Variants in CASK observed in about 807,000 individuals in gnomAD.
CASK encodes the protein peripheral plasma membrane protein CASK.
A neutral mutation model predicts 82.9 loss-of-function variants in CASK; 4 were observed. That is an observed-to-expected ratio of 0.05 (90% CI 0.02 to 0.11). CASK has a LOEUF of 0.11. Among genes scored for constraint, CASK ranks in the 10% least tolerant of loss-of-function variants. CASK has a pLI of 1.00. For synonymous variants in CASK, 259 were observed against 253.5 expected (o/e 1.02, Z -0.20); for missense variants, 358 against 720.9 (o/e 0.50, Z 5.76).
intron 9 of CASK, among the ~76,000 whole-genome samples, chrX:41,634,242 C>A (rs1461964811): frequency 8.9e-6 from 1 of 112,276 alleles, no homozygotes; most frequent in African/African-American, 3.2e-5. Flanking sequence ...AAGTTGCAAT[C>A]TCTGTTCTAG....
intron 1 of CASK, among the ~76,000 whole-genome samples, chrX:41,900,634 C>T: frequency 1.2e-5 from 1 of 82,395 alleles, no homozygotes; most frequent in Non-Finnish European, 2.3e-5. Flanking sequence ...CCTTGTTGAA[C>T]TTCTCATATT....
chrX:41,839,468 T>A (rs1032223770), intron 2 of CASK, among the ~76,000 whole-genome samples: 1 of 111,380 alleles, frequency 9.0e-6, no homozygotes, highest in African/African-American at 3.3e-5. Context: ...TATAGAGAAA[T>A]AACTGATTTT....
intron 3 of CASK, among the ~76,000 whole-genome samples, chrX:41,758,952 T>G (rs1312409155): frequency 8.9e-6 from 1 of 112,452 alleles, no homozygotes; most frequent in East Asian, 2.8e-4. Context: ...TGTTTGTGTA[T>G]GAAGCTTAAT....
intron 2 of CASK, among the ~76,000 whole-genome samples, chrX:41,808,082 T>A (rs2070167105): frequency 8.9e-6 from 1 of 111,744 alleles, no homozygotes; most frequent in Non-Finnish European, 1.9e-5. Flanking sequence ...CTCGAACTCC[T>A]GACCTCAGGT....
intron 14 of CASK, among the ~76,000 whole-genome samples, chrX:41,580,792 T>C (rs187062759): frequency 1.8e-5 from 2 of 112,397 alleles, no homozygotes; most frequent in Admixed American, 1.9e-4. Flanking sequence ...TCTTCAAATA[T>C]GTTAAGACGT....
At position 41,531,085 on chromosome X, in the gene CASK, C is replaced by T. The variant is rs141158465; in HGVS notation, c.2442G>A (p.Ala814=). Residue 814 remains alanine, a synonymous_variant, in exon 25 of 27, where the codon GCG becomes GCA. Transcript: ENST00000378163. ...TGGTCTCCAGTTTTGTCCCATACAT[C>T]GCATCCTCGTGGCTGCCGTACTCCA... ...EYLEYGSHED[A]MYGTKLETIR... 1,282 of 1,209,563 alleles carry T rather than the reference C, an allele frequency of 1.1e-3. 13 individuals carry two copies. The South Asian group carries it at 0.018, about 17-fold the overall frequency.
At chrX:41,744,686 A>T (rs1016934976) in intron 4 of CASK, among the ~76,000 whole-genome samples, 1 of 111,586 alleles carries the variant, frequency 9.0e-6, no homozygotes, top group Non-Finnish European at 1.9e-5. Flanking sequence ...TTTACAAACA[A>T]CTTCTCCACT....
At chrX:41,540,566 C>T (rs942260824) in intron 22 of CASK, among the ~76,000 whole-genome samples, 3 of 112,237 alleles carry the variant, frequency 2.7e-5, no homozygotes, top group Non-Finnish European at 5.6e-5. Flanking sequence ...CCCGTAGGAG[C>T]GAAGTGATTT....
At chrX:41,726,746 C>T (rs1163219473) in intron 5 of CASK, 2 of 206,622 alleles carry the variant, frequency 9.7e-6, no homozygotes, top group Non-Finnish European at 1.7e-5. Context: ...AGGCATGTAA[C>T]TATTCACATC....
intron 8 of CASK, among the ~76,000 whole-genome samples, chrX:41,642,046 T>G (rs2066666379): frequency 9.0e-6 from 1 of 110,699 alleles, no homozygotes; most frequent in Admixed American, 9.7e-5. Flanking sequence ...GTTTCCAGCT[T>G]CATCCATGTC....
At chrX:41,740,816 T>C (rs1569427609) in intron 4 of CASK, among the ~76,000 whole-genome samples, 1 of 112,415 alleles carries the variant, frequency 8.9e-6, no homozygotes, top group Admixed American at 9.4e-5. Context: ...CAAATGCACA[T>C]ATAAGGGGTT....
chrX:41,922,127 G>A (rs1463475554), intron 1 of CASK, among the ~76,000 whole-genome samples: 2 of 111,303 alleles, frequency 1.8e-5, no homozygotes, highest in Non-Finnish European at 3.8e-5. Context: ...ACAATTAGAT[G>A]AGGAACTGCA....
At chrX:41,777,464 G>A (rs1358350576) in intron 3 of CASK, among the ~76,000 whole-genome samples, 2 of 106,750 alleles carry the variant, frequency 1.9e-5, no homozygotes, top group Non-Finnish European at 3.9e-5. Flanking sequence ...ACTCCAGCCT[G>A]GGCGACAGAG....
At chrX:41,909,493 T>C (rs1169778081) in intron 1 of CASK, among the ~76,000 whole-genome samples, 3 of 112,302 alleles carry the variant, frequency 2.7e-5, no homozygotes, top group African/African-American at 6.5e-5. Context: ...CTGAGCCCTA[T>C]AAGGAGTTGA....
chrX:41,613,334 C>A (rs1175657464), intron 11 of CASK, among the ~76,000 whole-genome samples: 1 of 101,652 alleles, frequency 9.8e-6, no homozygotes, highest in Non-Finnish European at 2.0e-5. Context: ...GACCTTACCC[C>A]CAACCCTGTG....
At chrX:41,827,100 G>A (rs1244884879) in intron 2 of CASK, among the ~76,000 whole-genome samples, 2 of 111,548 alleles carry the variant, frequency 1.8e-5, no homozygotes, top group African/African-American at 6.5e-5. Flanking sequence ...AATGGAAGAG[G>A]GAAGTTCATT....
rs769898736 is a variant in CASK, at chrX:41,868,660, C to T, written c.60-15433G>A. Among the ~76,000 whole-genome samples the T allele has an allele frequency of 2.1e-4, 24 of 111,849 alleles. 1 individual carries two copies. Among genetic ancestry groups the T allele is most frequent in the Admixed American group, 3.8e-4 (4 of 10,568 alleles). On this transcript the variant is annotated intron_variant, in intron 1 of 26. Coordinates refer to ENST00000378163, the MANE Select transcript of CASK (RefSeq NM_001367721.1). ...GGCTGCATCCTGGATGTGCCCATTA[C>T]TCATTACTAACTATAATGAGAGGCC...
chrX:41,784,505 A>G (rs965079856), intron 3 of CASK, among the ~76,000 whole-genome samples: 2 of 111,980 alleles, frequency 1.8e-5, no homozygotes, highest in African/African-American at 3.2e-5. Flanking sequence ...AATAAGGACT[A>G]GCATTGCCAT....
chrX:41,853,357 C>A, intron 1 of CASK, 130 bp from the exon 2 acceptor site: 1 of 382,729 alleles, frequency 2.6e-6, no homozygotes. Flanking sequence ...CCAAATTGAA[C>A]ACAGTTTTCA....
Sources: gnomAD v4.1 joint callset for allele counts (sites outside exome capture counted in the v4.1 genomes callset) on GRCh38, gnomAD v4.1.1 for gene constraint, MANE v1.5 for transcripts, NCBI Gene and HGNC (gene_info 2026-07-23, HGNC 2026-07-21) for gene names.